The following EIPR1 variants were observed in gnomAD, a reference collection of about 807,000 sequenced individuals.
EIPR1 encodes EARP complex and GARP complex interacting protein 1.
A neutral mutation model predicts 48.1 loss-of-function variants in EIPR1; 25 were observed. That is an observed-to-expected ratio of 0.52 (90% CI 0.38 to 0.73). The LOEUF (loss-of-function observed/expected upper bound fraction) is 0.73. Ranked by LOEUF, EIPR1 falls within the 30% of genes least tolerant of loss-of-function variation. The pLI, the probability that EIPR1 is intolerant of heterozygous loss-of-function variation, is 0.00. For synonymous variants in EIPR1, 204 were observed against 201.9 expected (o/e 1.01, Z -0.09); for missense variants, 415 against 506.2 (o/e 0.82, Z 1.73).
At chr2:3,357,573 T>C (rs777860031) in intron 1 of EIPR1, among the ~76,000 whole-genome samples, 64 of 152,194 alleles carry the variant, frequency 4.2e-4, no homozygotes, top group Non-Finnish European at 7.8e-4. Flanking sequence ...CACTGCTGAG[T>C]GTTCAAACTG....
chr2:3,234,768 C>T (rs981483719), intron 4 of EIPR1, among the ~76,000 whole-genome samples: 2 of 152,230 alleles, frequency 1.3e-5, no homozygotes, highest in Admixed American at 1.3e-4. Flanking sequence ...CCTGCCCTTG[C>T]ACTGGAAGAT....
chr2:3,283,128 T>A (rs1279269174), intron 3 of EIPR1, among the ~76,000 whole-genome samples: 1 of 152,216 alleles, frequency 6.6e-6, no homozygotes, highest in Non-Finnish European at 1.5e-5. Flanking sequence ...ATACCAGTCC[T>A]TGCCACTTTG....
At chr2:3,303,109 A>G (rs574030274) in intron 3 of EIPR1, among the ~76,000 whole-genome samples, 1 of 152,322 alleles carries the variant, frequency 6.6e-6, no homozygotes, top group South Asian at 2.1e-4. Flanking sequence ...CCACCTATGT[A>G]ACCATCCCCA....
At chr2:3,245,829 T>C (rs144569366) in intron 4 of EIPR1, among the ~76,000 whole-genome samples, 42 of 152,254 alleles carry the variant, frequency 2.8e-4, no homozygotes, top group Non-Finnish European at 5.1e-4. Context: ...GAGGCCGAAG[T>C]GGGAGGACTG....
intron 4 of EIPR1, among the ~76,000 whole-genome samples, chr2:3,227,284 T>G (rs1402912664): frequency 1.3e-5 from 2 of 152,194 alleles, no homozygotes; most frequent in Non-Finnish European, 2.9e-5. Context: ...ACCAAAATGC[T>G]TACACTGATA....
At chr2:3,320,113 G>GCGGGCAACACCA (rs1669477460) in intron 3 of EIPR1, 3 of 129,214 alleles carry the variant, frequency 2.3e-5, no homozygotes, top group Admixed American at 8.6e-5. Flanking sequence ...GGGCAACACC[G>GCGGGCAACACCA]CCCCTGGGGG....
chr2:3,189,819 T>C lies in EIPR1; in HGVS notation c.990-311A>G, dbSNP rs777976731. 6.6e-6 allele frequency among the ~76,000 whole-genome samples: 1 copy of C among 152,146 alleles called. No individual in the cohort carries two copies. The highest frequency in any genetic ancestry group is 1.5e-5 in the Non-Finnish European group (1 of 68,016). ...TGGCCCCCGGGTGCCTGGGTTGATA[T>C]TTTGTTGGAGGTCTTCCAAGGGCTT... is the stretch of plus-strand genomic sequence containing the variant. On this transcript the variant is annotated intron_variant, in intron 8 of 8. Transcript: ENST00000382125. The surrounding 1 kb of genome is among the most constrained non-coding windows in gnomAD (Gnocchi z 4.6).
intron 3 of EIPR1, among the ~76,000 whole-genome samples, chr2:3,288,765 G>C (rs1267423697): frequency 6.6e-6 from 1 of 152,218 alleles, no homozygotes; most frequent in Non-Finnish European, 1.5e-5. Context: ...GATGGCGCAT[G>C]GCCTGGGACA....
In EIPR1 at chr2:3,324,391, GGCCCAGTGCTTA is replaced by G. The variant is rs1558298698; in HGVS notation, c.259+13614_259+13625del. Among the ~76,000 whole-genome samples, 895 of 152,340 alleles carry G rather than the reference GGCCCAGTGCTTA, an allele frequency of 5.9e-3. 14 individuals are homozygous for G. Among genetic ancestry groups the G allele is most frequent in the African/African-American group, 0.021 (865 of 41,588 alleles). Reference sequence around the variant, plus strand: ...GCTTTCCCAGCTCCTCCCGGGCAGTGGCCCAGTGCTTAGACAGTGTCGCTCCGTGTGCCCACT... The same window carrying G: ...GCTTTCCCAGCTCCTCCCGGGCAGTGGACAGTGTCGCTCCGTGTGCCCACT... On this transcript the variant is annotated intron_variant, in intron 3 of 8. Transcript: ENST00000382125.
chr2:3,348,716 G>A (rs149306674), intron 2 of EIPR1, among the ~76,000 whole-genome samples: 1 of 152,342 alleles, frequency 6.6e-6, no homozygotes, highest in Non-Finnish European at 1.5e-5. Context: ...TGCAGGTACC[G>A]GGCATTTTCC....
chr2:3,252,396 G>C (rs1045796813), intron 4 of EIPR1, among the ~76,000 whole-genome samples: 20 of 152,198 alleles, frequency 1.3e-4, no homozygotes, highest in African/African-American at 4.8e-4. Flanking sequence ...TTCAAGACCA[G>C]CCTGGCCAAT....
intron 4 of EIPR1, among the ~76,000 whole-genome samples, chr2:3,216,701 A>T (rs1423195199): frequency 1.3e-5 from 2 of 152,216 alleles, no homozygotes; most frequent in Non-Finnish European, 2.9e-5. Context: ...TTTCTGAATC[A>T]TACACCCCAT....
In EIPR1 at chr2:3,327,808, C is replaced by T. The variant is rs1669744658; in HGVS notation, c.259+10209G>A. 3.9e-5 allele frequency among the ~76,000 whole-genome samples: 6 copies of T among 152,190 alleles called. No homozygotes were observed. In the South Asian group the frequency reaches 1.2e-3, roughly 31 times the overall value. ...ATGTAACCATGGTTTTATTCTCAATCTCTGTATACTCAACTCGTTTTGTTG... is the reference window on the plus strand; with the variant it reads ...ATGTAACCATGGTTTTATTCTCAATTTCTGTATACTCAACTCGTTTTGTTG... On this transcript the variant is annotated intron_variant, in intron 3 of 8. Transcript: ENST00000382125.
intron 4 of EIPR1, among the ~76,000 whole-genome samples, chr2:3,236,454 G>A (rs1277478360): frequency 6.6e-6 from 1 of 152,168 alleles, no homozygotes; most frequent in Non-Finnish European, 1.5e-5. Context: ...CTCAGGAGGA[G>A]GACATGGGGA....
chr2:3,194,302 C>T, intron 6 of EIPR1, 136 bp from the exon 7 acceptor site: 1 of 1,082,290 alleles, frequency 9.2e-7, no homozygotes, highest in Non-Finnish European at 1.3e-6. Flanking sequence ...CCTCGGCGTT[C>T]CTGCCCTGCA....
At chr2:3,261,150 A>G (rs1428566875) in intron 3 of EIPR1, among the ~76,000 whole-genome samples, 5 of 152,246 alleles carry the variant, frequency 3.3e-5, no homozygotes, top group African/African-American at 1.2e-4. Context: ...GGCAATTATC[A>G]TAATGACCAA....
chr2:3,260,675 A>G (rs982806933), intron 3 of EIPR1, among the ~76,000 whole-genome samples: 5 of 152,228 alleles, frequency 3.3e-5, no homozygotes, highest in Non-Finnish European at 7.3e-5. Context: ...CAGCTTAATA[A>G]TGAAACAACC....
chr2:3,260,755 G>A (rs1667310067), intron 3 of EIPR1, among the ~76,000 whole-genome samples: 1 of 152,038 alleles, frequency 6.6e-6, no homozygotes. Flanking sequence ...TGGTCAACAA[G>A]CACCAGAAAA....
intron 2 of EIPR1, among the ~76,000 whole-genome samples, chr2:3,339,403 G>T (rs78156123): frequency 0.027 from 4,105 of 152,316 alleles, 89 homozygotes; most frequent in Non-Finnish European, 0.043. Context: ...ACGATACCCA[G>T]TAGCACCTAC....
Sources: gnomAD v4.1 joint callset for allele counts (sites outside exome capture counted in the v4.1 genomes callset) on GRCh38, gnomAD v4.1.1 for gene constraint, Gnocchi (gnomAD v3.1) non-coding constraint, MANE v1.5 for transcripts, NCBI Gene and HGNC (gene_info 2026-07-23, HGNC 2026-07-21) for gene names.